The following USB1 variants were observed in gnomAD, a reference collection of about 807,000 sequenced individuals.
USB1 encodes U6 snRNA biogenesis phosphodiesterase 1.
A neutral mutation model predicts 29.9 loss-of-function variants in USB1; 21 were observed. The ratio of observed to expected loss-of-function variants is 0.70; its 90% CI spans 0.50 to 1.01. USB1 has a LOEUF of 1.01. Among genes scored for constraint, USB1 ranks in the 50% least tolerant of loss-of-function variants. USB1 has a pLI of 0.00. For synonymous variants in USB1, 143 were observed against 134.9 expected (o/e 1.06, Z -0.42); for missense variants, 330 against 347.1 (o/e 0.95, Z 0.39).
chr16:58,001,452 GGACCTGCTC>G lies in USB1; in HGVS notation c.-31_-23del. On this transcript the variant is annotated 5_prime_UTR_variant, in exon 1 of 7. Transcript: ENST00000219281. ...CCGGGTGCCGGTTGAGGTTGCTGGT[GGACCTGCTC>G]TGGTGGTCTTGGATGAGGCCCCATG... 6.3e-7 allele frequency: 1 copy of G among 1,575,502 alleles called. No homozygotes were observed. Among genetic ancestry groups the G allele is most frequent in the African/African-American group, 1.4e-5 (1 of 74,062 alleles).
At chr16:58,001,675 T>C in intron 1 of USB1, 94 bp downstream of exon 1, 9 of 1,368,150 alleles carry the variant, frequency 6.6e-6, no homozygotes, top group Non-Finnish European at 7.1e-6. Context: ...GGAGGGAGGA[T>C]GCGGGGCGGC....
In USB1 at chr16:58,013,496, T is replaced by C; in HGVS notation, c.450-777T>C. On this transcript the variant is annotated intron_variant, in intron 3 of 6. Coordinates refer to ENST00000219281, the MANE Select transcript of USB1 (RefSeq NM_024598.4). The surrounding 1 kb of genome is among the most constrained non-coding windows in gnomAD (Gnocchi z 4.3). ...AAATGATCTGTTTCTGTGAGGAGAC[T>C]TTCCATGGTGAGATTGCTAGTGTCT... is the stretch of plus-strand genomic sequence containing the variant. 1.0e-6 allele frequency: 1 copy of C among 985,310 alleles called. No individual in the cohort carries two copies. Among genetic ancestry groups the C allele is most frequent in the South Asian group, 4.7e-5 (1 of 21,282 alleles). The allele number at this position is 985,310 out of a possible 1,614,324, so 61.0% of individuals were successfully genotyped here.
intron 2 of USB1, among the ~76,000 whole-genome samples, chr16:58,004,008 A>G (rs1427569820): frequency 6.6e-6 from 1 of 152,188 alleles, no homozygotes; most frequent in Non-Finnish European, 1.5e-5. Context: ...TGTCATATCT[A>G]AAAAGTTGTC....
chr16:58,015,112 T>C (rs143840026), intron 4 of USB1: 1 of 90,742 alleles, frequency 1.1e-5, no homozygotes, highest in South Asian at 4.0e-4. Flanking sequence ...AATAAATAAA[T>C]AAATAAATAA....
chr16:58,019,471 G>A (rs1297456922), intron 6 of USB1, among the ~76,000 whole-genome samples: 2 of 152,170 alleles, frequency 1.3e-5, no homozygotes, highest in South Asian at 4.1e-4. Context: ...AATGTACCAG[G>A]GGTAAGGAAC....
intron 4 of USB1, chr16:58,016,271 G>A (rs1198376851): frequency 6.6e-6 from 1 of 152,222 alleles, no homozygotes; most frequent in Admixed American, 6.5e-5. Flanking sequence ...TTGATTCCTG[G>A]GTTTGAGGCT....
rs772230264 is a variant in USB1 at position 58,017,327 on chromosome 16, TC to T, written c.504-3del. The T allele has an allele frequency of 1.9e-5, 31 of 1,613,254 alleles. No homozygotes were observed. The highest frequency in any genetic ancestry group is 8.5e-7 in the Non-Finnish European group (1 of 1,179,396). Reference sequence around the variant, plus strand: ...ATCTCATGCCTGCGTTGTCTTCCTCTCCCCAGGACCTTTATTGGGCTTGAGG... The same window carrying T: ...ATCTCATGCCTGCGTTGTCTTCCTCTCCCAGGACCTTTATTGGGCTTGAGG... On this transcript the variant is annotated splice_polypyrimidine_tract_variant and splice_region_variant and intron_variant, in intron 4 of 6. Transcript: ENST00000219281.
chr16:58,019,171 G>C, intron 6 of USB1, 116 bp downstream of exon 6: 1 of 1,048,316 alleles, frequency 9.5e-7, no homozygotes. Context: ...CAAATGACAT[G>C]GCAGGAGACC....
intron 2 of USB1, among the ~76,000 whole-genome samples, chr16:58,005,859 TG>T (rs1567417993): frequency 6.6e-6 from 1 of 152,192 alleles, no homozygotes; most frequent in Non-Finnish European, 1.5e-5. Context: ...TTCATTTTGC[TG>T]GGGGTGCTAA....
chr16:58,020,571 T>TC lies in USB1; in HGVS notation c.*327dup, dbSNP rs1567424793. 4.6e-4 allele frequency: 171 copies of TC among 375,460 alleles called. 1 individual carries two copies. The highest frequency in any genetic ancestry group is 6.0e-4 in the Non-Finnish European group (120 of 200,504). 23.3% of individuals were successfully genotyped at this position (375,460 alleles called of 1,614,324 possible). On this transcript the variant is annotated 3_prime_UTR_variant, in exon 7 of 7. Transcript: ENST00000219281. ...TGTCTCTCCTCCCCTCCTCTCTTCC[T>TC]CTCCTCTCTCTTCCTCTCCTCTCTC... is the stretch of plus-strand genomic sequence containing the variant.
chr16:58,010,326 G>A (rs1284496976), intron 3 of USB1, among the ~76,000 whole-genome samples: 1 of 152,188 alleles, frequency 6.6e-6, no homozygotes. Context: ...TGCTCTGTAG[G>A]AAAAGCCAGC....
intron 3 of USB1, 55 bp from the exon 4 acceptor site, chr16:58,014,216 ATT>A (rs1274308884): frequency 6.9e-7 from 1 of 1,440,678 alleles, no homozygotes; most frequent in African/African-American, 1.4e-5. Flanking sequence ...AACATAAGCT[ATT>A]TTTTCTGCTT....
rs918901472 is a variant in USB1, at chr16:58,021,232, T to A, written c.*987T>A. On this transcript the variant is annotated 3_prime_UTR_variant, in exon 7 of 7. Coordinates refer to ENST00000219281, the MANE Select transcript of USB1 (RefSeq NM_024598.4). ...GTGGTCCAGCATCAGTTTTCTCCACTTCTTTCTCCCACTCACCCCCAGCAA... is the reference window on the plus strand; with the variant it reads ...GTGGTCCAGCATCAGTTTTCTCCACATCTTTCTCCCACTCACCCCCAGCAA... The A allele has an allele frequency of 7.2e-5, 11 of 152,256 alleles. No homozygotes were observed. The highest frequency in any genetic ancestry group is 2.7e-4 in the African/African-American group (11 of 41,466). The allele number at this position is 152,256 out of a possible 1,614,324, so 9.4% of individuals were successfully genotyped here. A position where few individuals can be genotyped will look rare whatever the true frequency, so the allele number is the denominator to read the frequency against.
rs552855510 is a variant in USB1 at position 58,014,013 on chromosome 16, A to C, written c.450-260A>C. 6.6e-5 allele frequency: 30 copies of C among 454,302 alleles called. 1 individual carries two copies. The highest frequency in any genetic ancestry group is 6.5e-4 in the East Asian group (16 of 24,698). 28.1% of individuals were successfully genotyped at this position (454,302 alleles called of 1,614,324 possible). ...AAGTTGAGATAGTCTCAAATTGTTT[A>C]TCGAAATGAACTGCTATTAACAAAG... is the stretch of plus-strand genomic sequence containing the variant. On this transcript the variant is annotated intron_variant, in intron 3 of 6. Transcript: ENST00000219281.
At chr16:58,005,396 C>T (rs751333867) in intron 2 of USB1, among the ~76,000 whole-genome samples, 12 of 152,154 alleles carry the variant, frequency 7.9e-5, no homozygotes, top group Non-Finnish European at 1.2e-4. Flanking sequence ...TGGCAATGGG[C>T]ATCTTCCCAG....
At chr16:58,001,303 G>A, upstream of USB1, 1 of 724,592 alleles carries the variant, frequency 1.4e-6, no homozygotes, top group Middle Eastern at 3.8e-4. Context: ...CCGGCAGACA[G>A]CTTGGAGTCG....
chr16:58,010,219 A>G, intron 3 of USB1, 107 bp downstream of exon 3: 1 of 1,369,684 alleles, frequency 7.3e-7, no homozygotes. Flanking sequence ...ACCTAAAGAT[A>G]GAACACGGCC....
rs777694507 is a variant in USB1, at chr16:58,010,030, C to G, written c.367C>G (p.Leu123Val). 2 of 1,614,132 alleles carry G rather than the reference C, an allele frequency of 1.2e-6. No individual in the cohort carries two copies. Among genetic ancestry groups the G allele is most frequent in the Admixed American group, 3.3e-5 (2 of 60,018 alleles). The change falls in exon 3 of 7, where the codon CTG becomes GTG. Residue 123 changes from leucine (L) to valine (V), a missense_variant. By Grantham distance (32) the Leu-to-Val change is conservative. Coordinates refer to ENST00000219281, the MANE Select transcript of USB1 (RefSeq NM_024598.4). Reference sequence around the variant, plus strand: ...AAGGATGAAGGTGTTCCACCTCAGCCTGTCCCAGAGTGTGGTTCTGCGCCA... The same window carrying G: ...AAGGATGAAGGTGTTCCACCTCAGCGTGTCCCAGAGTGTGGTTCTGCGCCA... ...LVRMKVFHLS[L>V]SQSVVLRHHW...
In USB1 at chr16:58,020,577, C is replaced by G. The variant is rs1555498794; in HGVS notation, c.*332C>G. On this transcript the variant is annotated 3_prime_UTR_variant, in exon 7 of 7. Transcript: ENST00000219281. Reference sequence around the variant, plus strand: ...TCCTCCCCTCCTCTCTTCCTCTCCTCTCTCTTCCTCTCCTCTCTCTACCCC... The same window carrying G: ...TCCTCCCCTCCTCTCTTCCTCTCCTGTCTCTTCCTCTCCTCTCTCTACCCC... 1 of 346,134 alleles carries G rather than the reference C, an allele frequency of 2.9e-6. No homozygotes were observed. Among genetic ancestry groups the G allele is most frequent in the Non-Finnish European group, 5.3e-6 (1 of 188,414 alleles). The allele number at this position is 346,134 out of a possible 1,614,324, so 21.4% of individuals were successfully genotyped here.
Sources: gnomAD v4.1 joint callset for allele counts (sites outside exome capture counted in the v4.1 genomes callset) on GRCh38, gnomAD v4.1.1 for gene constraint, Gnocchi (gnomAD v3.1) non-coding constraint, MANE v1.5 for transcripts, NCBI Gene and HGNC (gene_info 2026-07-23, HGNC 2026-07-21) for gene names.